SALL4: variants seen among roughly 807,000 people sequenced by gnomAD.
SALL4 encodes the protein spalt like transcription factor 4.
In SALL4, 4 loss-of-function variants were observed where a neutral mutation model predicts 60.8. The observed-to-expected ratio is 0.07, with a 90% confidence interval of 0.03 to 0.15. The LOEUF is 0.15. SALL4 is among the 10% of genes least tolerant of loss of function. The pLI, the probability that SALL4 is intolerant of heterozygous loss-of-function variation, is 1.00. For missense variants in SALL4, 1,178 were observed against 1,394.7 expected, an observed-to-expected ratio of 0.84 and a Z score of 2.48; for synonymous variants, 580 against 574.9, an observed-to-expected ratio of 1.01 and a Z score of -0.13.
In SALL4 at chr20:51,784,314, T is replaced by C; in HGVS notation, c.3113A>G (p.Lys1038Arg). 6 of 1,614,160 alleles carry C rather than the reference T, an allele frequency of 3.7e-6. No individual in the cohort carries two copies. The highest frequency in any genetic ancestry group is 1.7e-5 in the Admixed American group (1 of 60,018). Residue 1038 changes from lysine to arginine, a missense_variant, in exon 4 of 4, where the codon AAA (lysine) becomes AGA (arginine). This residue lies in a region of SALL4 where 174 missense variants were observed against 169.6 expected (regional missense o/e 1.03). Transcript: ENST00000217086. ...TTCCAGGAAGTGAGGAAACTGGTGT[T>C]TGGGAACGCCGTCAGTAGCACTTGG... ...EKPSATDGVP[K>R]HQFPHFLEEN...
chr20:51,793,975 T>C (rs1267683442), intron 1 of SALL4, among the ~76,000 whole-genome samples: 1 of 151,930 alleles, frequency 6.6e-6, no homozygotes, highest in East Asian at 1.9e-4. Context: ...CAATAACAGG[T>C]AGTTATTGAT....
Position 51,788,180 on chromosome 20 carries a change from AG to A in SALL4, c.2742+680del, listed in dbSNP as rs999707433. ...AACATTTTAATTTTTTTAAGAGACA[AG>A]GTCTCACTTTGTTTTCTAAGCTGGA... is the stretch of plus-strand genomic sequence containing the variant. On this transcript the variant is annotated intron_variant, in intron 3 of 3. Coordinates refer to ENST00000217086, the MANE Select transcript of SALL4 (RefSeq NM_020436.5). This position sits in a 1 kb window ranked among gnomAD's most constrained non-coding sequence, Gnocchi z 4.1. 6.6e-6 allele frequency among the ~76,000 whole-genome samples: 1 copy of A among 150,986 alleles called. No homozygotes were observed. The highest frequency in any genetic ancestry group is 2.4e-5 in the African/African-American group (1 of 40,930).
Position 51,788,577 on chromosome 20 carries a change from G to C in SALL4, c.2742+284C>G, listed in dbSNP as rs987685146. Among the ~76,000 whole-genome samples, 18 of 152,162 alleles carry C rather than the reference G, an allele frequency of 1.2e-4. No homozygotes were observed. Among genetic ancestry groups the C allele is most frequent in the Admixed American group, 2.0e-4 (3 of 15,272 alleles). On this transcript the variant is annotated intron_variant, in intron 3 of 3. Coordinates refer to ENST00000217086, the MANE Select transcript of SALL4 (RefSeq NM_020436.5). This position sits in a 1 kb window ranked among gnomAD's most constrained non-coding sequence, Gnocchi z 4.1. ...ATGGTGGCGGACGCCTGTAGTCCCA[G>C]CTACTCAGGAGGCTGAGGCAGGAGA...
rs1257561253 is a variant in SALL4 at position 51,788,487 on chromosome 20, G to A, written c.2742+374C>T. Reference sequence around the variant, plus strand: ...AGGCGGATCACGAGATCAGGAGATCGAGACCATCCTGGCTAACGCGGTGAA... The same window carrying A: ...AGGCGGATCACGAGATCAGGAGATCAAGACCATCCTGGCTAACGCGGTGAA... On this transcript the variant is annotated intron_variant, in intron 3 of 3. Transcript: ENST00000217086. This position sits in a 1 kb window ranked among gnomAD's most constrained non-coding sequence, Gnocchi z 4.1. Among the ~76,000 whole-genome samples the A allele has an allele frequency of 2.0e-5, 3 of 152,062 alleles. No homozygotes were observed. Among genetic ancestry groups the A allele is most frequent in the South Asian group, 2.1e-4 (1 of 4,822 alleles).
In SALL4 at chr20:51,800,996, G is replaced by A. The variant is rs545198734; in HGVS notation, c.130+1283C>T. On this transcript the variant is annotated intron_variant, in intron 1 of 3. Coordinates refer to ENST00000217086, the MANE Select transcript of SALL4 (RefSeq NM_020436.5). ...GGCGACCGTCTTCTCGGGAAACCCC[G>A]GGTATCAGAGATGGTCTCTGAGAGT... Among the ~76,000 whole-genome samples the A allele has an allele frequency of 1.1e-3, 164 of 152,306 alleles. 1 individual carries two copies. The highest frequency in any genetic ancestry group is 1.8e-3 in the Non-Finnish European group (125 of 68,026).
chr20:51,793,054 C>T, intron 1 of SALL4: 2 of 924,210 alleles, frequency 2.2e-6, no homozygotes, highest in South Asian at 1.0e-4. Flanking sequence ...GAAATGTTCA[C>T]AGCAGCAAAG....
At position 51,790,972 on chromosome 20, in the gene SALL4, G is replaced by A. The variant is rs763673565; in HGVS notation, c.1511C>T (p.Pro504Leu). Reference protein sequence around the residue: ...NPKDLTGGSLPGDLQPGPSPE... With the variant: ...NPKDLTGGSLLGDLQPGPSPE... The stretch of plus-strand genomic sequence containing the variant: ...AGAAGGCCCAGGCTGCAGGTCACCG[G>A]GCAAGGAGCCACCCGTGAGGTCCTT... The change falls in exon 2 of 4, where the codon CCC becomes CTC. Residue 504 changes from proline to leucine, a missense_variant. Physicochemically the swap from Pro to Leu is moderately conservative, Grantham distance 98. Transcript: ENST00000217086. The surrounding 1 kb of genome is among the most constrained non-coding windows in gnomAD (Gnocchi z 5.5). 3 of 1,614,160 alleles carry A rather than the reference G, an allele frequency of 1.9e-6. No homozygotes were observed. Among genetic ancestry groups the A allele is most frequent in the South Asian group, 2.2e-5 (2 of 91,084 alleles).
chr20:51,785,031 G>A (rs374029444), intron 3 of SALL4, among the ~76,000 whole-genome samples: 92 of 152,194 alleles, frequency 6.0e-4, no homozygotes, highest in African/African-American at 1.9e-3. Context: ...GGCCAGGCAC[G>A]GTGGCTCACG....
rs1194946175 is a variant in SALL4 at position 51,802,328 on chromosome 20, G to C, written c.81C>G (p.Thr27=). ...CTGGGGCCGCATCTGCAAACTCCGG[G>C]GTCTGCTGCTGCGGCTGCTGCTCGC... ...DQGEQQPQQQ[T]PEFADAAPAA... is the part of the protein sequence containing the mutation. The change falls in exon 1 of 4, where the codon ACC becomes ACG. Residue 27 remains threonine (T), a synonymous_variant. Transcript: ENST00000217086. 4.3e-6 allele frequency: 7 copies of C among 1,610,668 alleles called. No homozygotes were observed. The highest frequency in any genetic ancestry group is 1.3e-5 in the African/African-American group (1 of 74,822).
At chr20:51,799,780 A>G (rs1333471975) in intron 1 of SALL4, among the ~76,000 whole-genome samples, 2 of 152,180 alleles carry the variant, frequency 1.3e-5, no homozygotes, top group Non-Finnish European at 2.9e-5. Flanking sequence ...AGAAAATGCT[A>G]ATTTTTCCTG....
At chr20:51,792,688 C>T in intron 1 of SALL4, 1 of 177,216 alleles carries the variant, frequency 5.6e-6, no homozygotes, top group Non-Finnish European at 7.1e-6. Context: ...GACTCCATCT[C>T]AAAAAAAAAA....
rs1438955836 is a variant in SALL4, at chr20:51,782,741, G to A, written c.*1524C>T. On this transcript the variant is annotated 3_prime_UTR_variant, in exon 4 of 4. Coordinates refer to ENST00000217086, the MANE Select transcript of SALL4 (RefSeq NM_020436.5). ...CTTGTTAAACCAAGAGCAATGTTTC[G>A]TTTGCTCAATATCACATTTACAAAG... 3 of 151,178 alleles carry A rather than the reference G, an allele frequency of 2.0e-5. No homozygotes were observed. Among genetic ancestry groups the A allele is most frequent in the South Asian group, 2.1e-4 (1 of 4,792 alleles). 9.4% of individuals were successfully genotyped at this position (151,178 alleles called of 1,614,324 possible). A position where few individuals can be genotyped will look rare whatever the true frequency, so the allele number is the denominator to read the frequency against.
rs2078026647 is a variant in SALL4, at chr20:51,790,319, G to C, written c.2164C>G (p.Leu722Val). 3 of 1,614,072 alleles carry C rather than the reference G, an allele frequency of 1.9e-6. No homozygotes were observed. Among genetic ancestry groups the C allele is most frequent in the Admixed American group, 3.3e-5 (2 of 60,010 alleles). ...LPSIHSASPTLGFAMMASLDA... is the reference protein window; with the variant it reads ...LPSIHSASPTVGFAMMASLDA... ...AAGGAAGCCATCATGGCAAACCCTA[G>C]CGTGGGTGATGCCGAGTGGATGCTG... Residue 722 changes from leucine (L) to valine (V), a missense_variant, in exon 2 of 4, where the codon CTA becomes GTA. By Grantham distance (32) the Leu-to-Val change is conservative (BLOSUM62 1). Transcript: ENST00000217086. This position sits in a 1 kb window ranked among gnomAD's most constrained non-coding sequence, Gnocchi z 5.5.
At chr20:51,786,759 C>T (rs745633203) in intron 3 of SALL4, among the ~76,000 whole-genome samples, 3 of 152,148 alleles carry the variant, frequency 2.0e-5, no homozygotes, top group Non-Finnish European at 4.4e-5. Context: ...TTTCAAAAGT[C>T]CAGTGAAAAT....
In SALL4 at chr20:51,790,539, G is replaced by A. The variant is rs751799344; in HGVS notation, c.1944C>T (p.His648=). ...AVMLQQHIRM[H]MGGQIPNTPL... ...GCGTGTTGGGAATCTGACCGCCCAT[G>A]TGCATCCGAATATGTTGCTGCAGCA... The change falls in exon 2 of 4, where the codon CAC becomes CAT. Residue 648 remains histidine, a synonymous_variant. Transcript: ENST00000217086. This position sits in a 1 kb window ranked among gnomAD's most constrained non-coding sequence, Gnocchi z 5.5. The A allele has an allele frequency of 1.9e-6, 3 of 1,614,176 alleles. No individual in the cohort carries two copies. Among genetic ancestry groups the A allele is most frequent in the Non-Finnish European group, 2.5e-6 (3 of 1,180,048 alleles).
chr20:51,787,117 A>G (rs1340845929), intron 3 of SALL4, among the ~76,000 whole-genome samples: 1 of 151,352 alleles, frequency 6.6e-6, no homozygotes, highest in East Asian at 1.9e-4. Flanking sequence ...CAAACAAAAC[A>G]AACCAAAACA....
chr20:51,800,606 C>G (rs2122981345), intron 1 of SALL4, among the ~76,000 whole-genome samples: 1 of 152,336 alleles, frequency 6.6e-6, no homozygotes, highest in Non-Finnish European at 1.5e-5. Flanking sequence ...CAGCGTAGGA[C>G]CAGGGGAGGG....
rs564505591 is a variant in SALL4 at position 51,793,366 on chromosome 20, T to TA, written c.131-1015dup. Among the ~76,000 whole-genome samples, 58 of 152,072 alleles carry TA rather than the reference T, an allele frequency of 3.8e-4. 1 individual carries two copies. The highest frequency in any genetic ancestry group is 6.8e-3 in the Middle Eastern group (2 of 292). On this transcript the variant is annotated intron_variant, in intron 1 of 3. Transcript: ENST00000217086. Reference sequence around the variant, plus strand: ...AGCTGAGCATGGCAGCGTCCATGTATAGTTCAAGCAACTCCAGAGGCTGAG... The same window carrying TA: ...AGCTGAGCATGGCAGCGTCCATGTATAAGTTCAAGCAACTCCAGAGGCTGAG...
Position 51,784,703 on chromosome 20 carries a change from A to G in SALL4, c.2743-19T>C. 1 of 1,614,126 alleles carries G rather than the reference A, an allele frequency of 6.2e-7. No individual in the cohort carries two copies. The highest frequency in any genetic ancestry group is 8.5e-7 in the Non-Finnish European group (1 of 1,179,992). On this transcript the variant is annotated intron_variant, in intron 3 of 3. Coordinates refer to ENST00000217086, the MANE Select transcript of SALL4 (RefSeq NM_020436.5). ...AGTGAACCTATGGGAACAGGACAGA[A>G]AGGTTTTTACCAAAATAGAGATTTG... is the stretch of plus-strand genomic sequence containing the variant.
Sources: gnomAD v4.1 joint callset for allele counts (sites outside exome capture counted in the v4.1 genomes callset) on GRCh38, gnomAD v4.1.1 for gene constraint, gnomAD v4.1.1 regional missense constraint, Gnocchi (gnomAD v3.1) non-coding constraint, MANE v1.5 for transcripts, NCBI Gene and HGNC (gene_info 2026-07-23, HGNC 2026-07-21) for gene names.